KCNS3: variants seen among roughly 807,000 people sequenced by gnomAD.
The protein encoded by KCNS3 is potassium voltage-gated channel modifier subfamily S member 3.
In KCNS3, 13 loss-of-function variants were observed where a neutral mutation model predicts 31.0. The ratio of observed to expected loss-of-function variants is 0.42; its 90% confidence interval spans 0.27 to 0.67. KCNS3 has a LOEUF of 0.67. Among genes scored for constraint, KCNS3 ranks in the 30% least tolerant of loss-of-function variants. KCNS3 has a pLI of 0.25. For synonymous variants in KCNS3, 238 were observed against 241.5 expected (o/e 0.99, Z 0.13); for missense variants, 545 against 622.4 (o/e 0.88, Z 1.32).
At chr2:17,912,827 G>T (rs1662500850) in intron 1 of KCNS3, among the ~76,000 whole-genome samples, 1 of 152,224 alleles carries the variant, frequency 6.6e-6, no homozygotes, top group South Asian at 2.1e-4. Flanking sequence ...GCTTTAGAAA[G>T]CACTTACTGG....
At chr2:17,908,212 A>C (rs1191487856) in intron 1 of KCNS3, among the ~76,000 whole-genome samples, 5 of 152,094 alleles carry the variant, frequency 3.3e-5, no homozygotes, top group African/African-American at 1.2e-4. Context: ...CATTCATTTA[A>C]TCTTCAATCA....
chr2:17,909,248 C>T (rs992922466), intron 1 of KCNS3, among the ~76,000 whole-genome samples: 2 of 152,196 alleles, frequency 1.3e-5, no homozygotes, highest in African/African-American at 4.8e-5. Context: ...GGCGTGGGAC[C>T]CTCCAAGCCA....
chr2:17,931,714 G>A lies in KCNS3; in HGVS notation c.706G>A (p.Glu236Lys). 1.2e-6 allele frequency: 2 copies of A among 1,613,554 alleles called. No individual in the cohort carries two copies. The highest frequency in any genetic ancestry group is 1.7e-6 in the Non-Finnish European group (2 of 1,179,820). The change falls in exon 3 of 3, where the codon GAG becomes AAG. Residue 236 changes from glutamate to lysine, a missense_variant. Glu to Lys is a moderately conservative substitution (Grantham distance 56, BLOSUM62 1). Coordinates refer to ENST00000304101, the MANE Select transcript of KCNS3 (RefSeq NM_002252.5). The surrounding 1 kb of genome is among the most constrained non-coding windows in gnomAD (Gnocchi z 5.4). ...EIACIAWFTG[E>K]LAVRLAAAPC... Reference sequence around the variant, plus strand: ...CGCGTGCATTGCCTGGTTCACCGGGGAGCTTGCCGTCCGGCTGGCTGCCGC... The same window carrying A: ...CGCGTGCATTGCCTGGTTCACCGGGAAGCTTGCCGTCCGGCTGGCTGCCGC...
intron 2 of KCNS3, among the ~76,000 whole-genome samples, chr2:17,930,215 C>G (rs747277413): frequency 3.3e-5 from 5 of 152,114 alleles, no homozygotes; most frequent in Admixed American, 6.5e-5. Flanking sequence ...TGTCAGGAAA[C>G]TGATAGTGCA....
At chr2:17,884,260 AAAAAAAAAATATATATATATATAT>A (rs1241474230) in intron 1 of KCNS3, among the ~76,000 whole-genome samples, 4 of 81,386 alleles carry the variant, frequency 4.9e-5, no homozygotes, top group South Asian at 4.7e-4. Context: ...TATAATTAAA[AAAAAAAAAATATATATATATATAT>A]ATATATATAT....
rs1483888753 is a variant in KCNS3 at position 17,894,404 on chromosome 2, C to T, written c.-252+15598C>T. The stretch of plus-strand genomic sequence containing the variant: ...GTGCTCACTAATGTGGACTGCTTAG[C>T]TAATTTGATGTAAGTAGACAAACCA... On this transcript the variant is annotated intron_variant, in intron 1 of 2. Transcript: ENST00000304101. 2.6e-5 allele frequency among the ~76,000 whole-genome samples: 4 copies of T among 152,264 alleles called. No individual in the cohort carries two copies. In the East Asian group the frequency reaches 7.7e-4, roughly 29 times the overall value.
chr2:17,894,539 T>C (rs1661976584), intron 1 of KCNS3, among the ~76,000 whole-genome samples: 3 of 152,212 alleles, frequency 2.0e-5, no homozygotes, highest in Middle Eastern at 3.2e-3. Context: ...ATAGATTGAG[T>C]GTGGAACTAT....
intron 1 of KCNS3, among the ~76,000 whole-genome samples, chr2:17,901,214 A>G (rs972662155): frequency 5.3e-5 from 8 of 152,194 alleles, no homozygotes; most frequent in African/African-American, 1.9e-4. Context: ...GTGAAGGAAG[A>G]AATTGAGGGT....
At chr2:17,898,304 A>G (rs1042996528) in intron 1 of KCNS3, among the ~76,000 whole-genome samples, 10 of 145,214 alleles carry the variant, frequency 6.9e-5, no homozygotes, top group Non-Finnish European at 1.5e-4. Flanking sequence ...TTTTGGTTCC[A>G]TATGAATTTC....
intron 2 of KCNS3, among the ~76,000 whole-genome samples, chr2:17,921,955 A>C (rs1487528001): frequency 7.3e-6 from 1 of 136,586 alleles, no homozygotes; most frequent in South Asian, 2.3e-4. Flanking sequence ...ATATATATAT[A>C]TATAAATACA....
intron 1 of KCNS3, among the ~76,000 whole-genome samples, chr2:17,897,934 T>G (rs1013947932): frequency 3.3e-5 from 5 of 152,154 alleles, no homozygotes; most frequent in African/African-American, 1.2e-4. Context: ...TGGTTTGAGG[T>G]CTTACATTTA....
intron 1 of KCNS3, among the ~76,000 whole-genome samples, chr2:17,883,466 T>C (rs1674689215): frequency 1.3e-5 from 2 of 151,930 alleles, no homozygotes; most frequent in South Asian, 4.2e-4. Flanking sequence ...AAAATTTAAG[T>C]AGTGGTAAGT....
intron 1 of KCNS3, among the ~76,000 whole-genome samples, chr2:17,901,184 A>G (rs962596389): frequency 7.2e-5 from 11 of 152,204 alleles, no homozygotes; most frequent in Non-Finnish European, 1.0e-4. Flanking sequence ...TGTGCATGTT[A>G]AGGGTAACTT....
intron 1 of KCNS3, among the ~76,000 whole-genome samples, chr2:17,906,905 T>G (rs1333194824): frequency 2.6e-5 from 4 of 152,180 alleles, no homozygotes; most frequent in African/African-American, 9.7e-5. Context: ...GGAATAAGTG[T>G]GATGTGGTGC....
intron 2 of KCNS3, among the ~76,000 whole-genome samples, chr2:17,922,212 T>A (rs1325120388): frequency 1.3e-5 from 2 of 151,874 alleles, no homozygotes; most frequent in East Asian, 1.9e-4. Context: ...ATTGTAACTC[T>A]GATCTCTGTT....
In KCNS3 at chr2:17,932,282, G is replaced by C. The variant is rs531245454; in HGVS notation, c.1274G>C (p.Ser425Thr). Reference protein sequence around the residue: ...KQKDIDVDQCSEDAPEKCHEL... With the variant: ...KQKDIDVDQCTEDAPEKCHEL... ...AAGGACATTGATGTGGACCAGTGCA[G>C]TGAGGATGCACCAGAGAAGTGTCAT... The change falls in exon 3 of 3, where the codon AGT (serine) becomes ACT (threonine). Residue 425 changes from serine (S) to threonine (T), a missense_variant. By Grantham distance (58) the Ser-to-Thr change is moderately conservative. Coordinates refer to ENST00000304101, the MANE Select transcript of KCNS3 (RefSeq NM_002252.5). 6.2e-7 allele frequency: 1 copy of C among 1,613,754 alleles called. No individual in the cohort carries two copies. The highest frequency in any genetic ancestry group is 1.1e-5 in the South Asian group (1 of 91,070).
chr2:17,931,317 C>G lies in KCNS3; in HGVS notation c.309C>G (p.Ile103Met). The change falls in exon 3 of 3, where the codon ATC becomes ATG. Residue 103 changes from isoleucine to methionine, a missense_variant. Ile to Met is a conservative substitution (Grantham distance 10). Transcript: ENST00000304101. The surrounding 1 kb of genome is among the most constrained non-coding windows in gnomAD (Gnocchi z 5.4). ...ELCVFSFCQE[I>M]EYWGINELFI... Reference sequence around the variant, plus strand: ...GCGTATTCTCATTCTGCCAGGAGATCGAGTACTGGGGCATCAACGAGCTCT... The same window carrying G: ...GCGTATTCTCATTCTGCCAGGAGATGGAGTACTGGGGCATCAACGAGCTCT... 6.2e-7 allele frequency: 1 copy of G among 1,614,106 alleles called. No individual in the cohort carries two copies. The highest frequency in any genetic ancestry group is 8.5e-7 in the Non-Finnish European group (1 of 1,180,014).
At chr2:17,912,495 C>T (rs1392941442) in intron 1 of KCNS3, among the ~76,000 whole-genome samples, 1 of 152,166 alleles carries the variant, frequency 6.6e-6, no homozygotes, top group Non-Finnish European at 1.5e-5. Context: ...GACCCTAGAG[C>T]CCTGTCAACA....
intron 1 of KCNS3, among the ~76,000 whole-genome samples, chr2:17,907,998 T>A (rs1662377841): frequency 6.6e-6 from 1 of 152,238 alleles, no homozygotes; most frequent in Non-Finnish European, 1.5e-5. Context: ...TGAATTTGAA[T>A]GTTGGCCTAC....
Sources: allele counts gnomAD v4.1 joint callset (sites outside exome capture counted in the v4.1 genomes callset), GRCh38; gene constraint gnomAD v4.1.1; non-coding constraint Gnocchi (gnomAD v3.1); transcripts MANE v1.5; gene names NCBI Gene and HGNC (gene_info 2026-07-23, HGNC 2026-07-21).